CADM2: variants seen among roughly 807,000 people sequenced by gnomAD.
The protein encoded by CADM2 is immunoglobulin superfamily member 4D.
CADM2 carries 12 observed loss-of-function variants against 49.8 expected under a neutral mutation model. That is an observed-to-expected ratio of 0.24 (90% CI 0.15 to 0.39). CADM2 has a LOEUF of 0.39. CADM2 is among the 10% of genes least tolerant of loss of function. The pLI is 1.00. For synonymous variants in CADM2, 214 were observed against 175.4 expected (o/e 1.22, Z -1.74); for missense variants, 378 against 492.3 (o/e 0.77, Z 2.20).
chr3:85,310,595 A>T (rs1230257374), intron 1 of CADM2, among the ~76,000 whole-genome samples: 1 of 152,216 alleles, frequency 6.6e-6, no homozygotes, highest in Non-Finnish European at 1.5e-5. Flanking sequence ...GGAAATTTAC[A>T]TAAAAGCTTG....
rs117830439 is a variant in CADM2 at position 85,860,233 on chromosome 3, T to A, written c.239-23058T>A. Among the ~76,000 whole-genome samples, 205 of 152,164 alleles carry A rather than the reference T, an allele frequency of 1.3e-3. 6 individuals carry two copies. In the East Asian group the frequency reaches 0.035, roughly 26 times the overall value. ...TCAAAAATATTCCTTGGTTACTTAT[T>A]TTGTGCCACACACTCTTACGGACAT... On this transcript the variant is annotated intron_variant, in intron 3 of 9. Transcript: ENST00000383699.
In CADM2 at chr3:85,908,531, G is replaced by C. The variant is rs548260677; in HGVS notation, c.530-3842G>C. Among the ~76,000 whole-genome samples, 22 of 151,582 alleles carry C rather than the reference G, an allele frequency of 1.5e-4. 1 individual carries two copies. In the East Asian group the frequency reaches 4.3e-3, roughly 29 times the overall value. On this transcript the variant is annotated intron_variant, in intron 5 of 9. Coordinates refer to ENST00000383699, the MANE Select transcript of CADM2 (RefSeq NM_001167675.2). ...AATTTTTGTTTAGAATTATACTTGAGGAATTTTTCTTTAGGTATATTTAAA... is the reference window on the plus strand; with the variant it reads ...AATTTTTGTTTAGAATTATACTTGACGAATTTTTCTTTAGGTATATTTAAA...
At chr3:85,371,397 C>A (rs552186999) in intron 1 of CADM2, among the ~76,000 whole-genome samples, 1 of 151,828 alleles carries the variant, frequency 6.6e-6, no homozygotes, top group Non-Finnish European at 1.5e-5. Context: ...ACACAAATAC[C>A]ATTGTGCTGC....
chr3:85,655,929 C>T (rs372652596), intron 1 of CADM2, among the ~76,000 whole-genome samples: 17 of 152,024 alleles, frequency 1.1e-4, no homozygotes, highest in Admixed American at 8.5e-4. Flanking sequence ...AGTTTGTCTT[C>T]CTCATAGAGC....
rs1433179964 is a variant in CADM2, at chr3:86,070,071, C to A, written c.*3288C>A. 3 of 151,808 alleles carry A rather than the reference C, an allele frequency of 2.0e-5. No individual in the cohort carries two copies. The highest frequency in any genetic ancestry group is 6.6e-5 in the Admixed American group (1 of 15,218). The allele number at this position is 151,808 out of a possible 1,614,324, so 9.4% of individuals were successfully genotyped here. A position where few individuals can be genotyped will look rare whatever the true frequency, so the allele number is the denominator to read the frequency against. On this transcript the variant is annotated 3_prime_UTR_variant, in exon 10 of 10. Coordinates refer to ENST00000383699, the MANE Select transcript of CADM2 (RefSeq NM_001167675.2). ...AGAATCCAAGAAGCAGTTTAAGGAA[C>A]CTGATATTGGAGTTTAATCTAGAAA...
chr3:85,653,611 T>G (rs2065117650), intron 1 of CADM2, among the ~76,000 whole-genome samples: 1 of 152,098 alleles, frequency 6.6e-6, no homozygotes, highest in South Asian at 2.1e-4. Context: ...ATGATATTTT[T>G]TAAATATCCA....
chr3:85,724,613 A>G (rs1230745096), intron 1 of CADM2, among the ~76,000 whole-genome samples: 1 of 151,974 alleles, frequency 6.6e-6, no homozygotes, highest in Non-Finnish European at 1.5e-5. Flanking sequence ...TAACCTGGAA[A>G]TGTGGGAAAA....
At chr3:85,922,017 T>C (rs990380271) in intron 6 of CADM2, among the ~76,000 whole-genome samples, 3 of 152,164 alleles carry the variant, frequency 2.0e-5, no homozygotes, top group African/African-American at 7.2e-5. Context: ...GTACTGTAGT[T>C]TGATACTGTG....
At chr3:85,144,268 C>CACACACACAT (rs1553688043) in intron 1 of CADM2, among the ~76,000 whole-genome samples, 1 of 151,554 alleles carries the variant, frequency 6.6e-6, no homozygotes, top group Non-Finnish European at 1.5e-5. Flanking sequence ...CACACACACA[C>CACACACACAT]ACATGTGCAC....
intron 1 of CADM2, among the ~76,000 whole-genome samples, chr3:84,972,983 T>G (rs1408091249): frequency 6.6e-6 from 1 of 152,168 alleles, no homozygotes; most frequent in Non-Finnish European, 1.5e-5. Context: ...GGCATGATCC[T>G]GCCTCACTGC....
chr3:85,636,728 C>T (rs2064499484), intron 1 of CADM2, among the ~76,000 whole-genome samples: 1 of 152,186 alleles, frequency 6.6e-6, no homozygotes. Context: ...ACATTTTGTA[C>T]TGTACCTTTT....
intron 8 of CADM2, among the ~76,000 whole-genome samples, chr3:85,980,494 A>G (rs967072871): frequency 5.3e-5 from 8 of 151,572 alleles, no homozygotes; most frequent in African/African-American, 1.9e-4. Context: ...GTTTAATGGT[A>G]GTAGCAATAA....
intron 1 of CADM2, among the ~76,000 whole-genome samples, chr3:85,558,437 T>C (rs1183470538): frequency 6.6e-6 from 1 of 151,874 alleles, no homozygotes; most frequent in Non-Finnish European, 1.5e-5. Flanking sequence ...CAAAATGGCT[T>C]TCAAAATATC....
intron 1 of CADM2, among the ~76,000 whole-genome samples, chr3:85,721,682 G>T (rs1157243422): frequency 6.6e-6 from 1 of 152,216 alleles, no homozygotes; most frequent in Non-Finnish European, 1.5e-5. Flanking sequence ...CCAAGGTAGT[G>T]CCTGGAAGCT....
At chr3:85,002,039 A>C (rs568780577) in intron 1 of CADM2, among the ~76,000 whole-genome samples, 2 of 152,148 alleles carry the variant, frequency 1.3e-5, no homozygotes, top group African/African-American at 4.8e-5. Flanking sequence ...CATATTTAAA[A>C]ATTTTTATTC....
intron 1 of CADM2, among the ~76,000 whole-genome samples, chr3:85,006,042 G>A (rs1046000897): frequency 6.6e-6 from 1 of 152,104 alleles, no homozygotes; most frequent in Admixed American, 6.6e-5. Context: ...ACTGCAGACA[G>A]TCACAGGGAA....
chr3:85,835,534 A>G (rs578227428), intron 3 of CADM2, among the ~76,000 whole-genome samples: 2 of 151,128 alleles, frequency 1.3e-5, no homozygotes, highest in Non-Finnish European at 3.0e-5. Flanking sequence ...CTGATATATC[A>G]AATATACTTT....
intron 1 of CADM2, among the ~76,000 whole-genome samples, chr3:85,434,726 C>T (rs2036845626): frequency 6.6e-6 from 1 of 152,070 alleles, no homozygotes; most frequent in Non-Finnish European, 1.5e-5. Context: ...ATATTACCCT[C>T]TGAGATTGTA....
At chr3:85,234,073 CT>C (rs1295317101) in intron 1 of CADM2, among the ~76,000 whole-genome samples, 8 of 151,982 alleles carry the variant, frequency 5.3e-5, no homozygotes, top group African/African-American at 1.9e-4. Context: ...ATTATTTTCC[CT>C]GTTTTGCAGA....
Sources: allele counts gnomAD v4.1 joint callset (sites outside exome capture counted in the v4.1 genomes callset), GRCh38; gene constraint gnomAD v4.1.1; transcripts MANE v1.5; gene names NCBI Gene and HGNC (gene_info 2026-07-23, HGNC 2026-07-21).